The following BRIP1 variants were observed in gnomAD, a reference collection of about 807,000 sequenced individuals.
BRIP1 encodes Fanconi anemia group J protein.
Under a neutral mutation model 119.7 loss-of-function variants are expected in BRIP1, and 88 were observed. The ratio of observed to expected loss-of-function variants is 0.74; its 90% confidence interval spans 0.62 to 0.88. BRIP1 has a LOEUF of 0.88. Among genes scored for constraint, BRIP1 ranks in the 40% least tolerant of loss-of-function variants. BRIP1 has a pLI of 0.00. For synonymous variants in BRIP1, 443 were observed against 496.5 expected (o/e 0.89, Z 1.43); for missense variants, 1,259 against 1,455.4 (o/e 0.87, Z 2.20).
intron 6 of BRIP1, among the ~76,000 whole-genome samples, chr17:61,819,877 A>C (rs959606024): frequency 6.6e-6 from 1 of 152,196 alleles, no homozygotes; most frequent in Admixed American, 6.5e-5. Flanking sequence ...AATAACTAAG[A>C]GTATAATTGG....
At chr17:61,781,192 T>C (rs899689252) in intron 11 of BRIP1, among the ~76,000 whole-genome samples, 187 bp from the exon 12 acceptor site, 2 of 152,240 alleles carry the variant, frequency 1.3e-5, no homozygotes, top group Non-Finnish European at 2.9e-5. Context: ...CCATTAATCA[T>C]AGAATCAACT....
chr17:61,781,121 C>T (rs372197176), intron 11 of BRIP1, 116 bp from the exon 12 acceptor site: 1 of 906,858 alleles, frequency 1.1e-6, no homozygotes, highest in South Asian at 1.5e-5. Context: ...GGTACCTTCC[C>T]ATTCAAAAAT....
chr17:61,742,995 A>G lies in BRIP1; in HGVS notation c.2379+18T>C, dbSNP rs2077005167. ...AATGACTCCTGTAATAATAAAACTT[A>G]AGGTTTTGATGGCCTACCTGTAGAT... On this transcript the variant is annotated intron_variant, in intron 16 of 19. Coordinates refer to ENST00000259008, the MANE Select transcript of BRIP1 (RefSeq NM_032043.3). The surrounding 1 kb of genome is among the most constrained non-coding windows in gnomAD (Gnocchi z 4.7). 2 of 1,613,102 alleles carry G rather than the reference A, an allele frequency of 1.2e-6. No individual in the cohort carries two copies. Among genetic ancestry groups the G allele is most frequent in the Admixed American group, 3.3e-5 (2 of 59,988 alleles).
intron 4 of BRIP1, among the ~76,000 whole-genome samples, chr17:61,855,014 A>G (rs2078875792): frequency 6.6e-6 from 1 of 151,614 alleles, no homozygotes; most frequent in Non-Finnish European, 1.5e-5. Flanking sequence ...GCCAGACAAA[A>G]TAAGTATACA....
intron 6 of BRIP1, among the ~76,000 whole-genome samples, chr17:61,818,344 C>T (rs1222855976): frequency 6.6e-6 from 1 of 152,184 alleles, no homozygotes; most frequent in Non-Finnish European, 1.5e-5. Flanking sequence ...TGCTGAAAGG[C>T]TGAACCTAAT....
At position 61,739,174 on chromosome 17, in the gene BRIP1, T is replaced by G. The variant is rs1042719689; in HGVS notation, c.2379+3839A>C. 1.3e-4 allele frequency: 23 copies of G among 182,970 alleles called. No individual in the cohort carries two copies. Among genetic ancestry groups the G allele is most frequent in the Non-Finnish European group, 2.4e-4 (21 of 85,886 alleles). 11.3% of individuals were successfully genotyped at this position (182,970 alleles called of 1,614,324 possible). On this transcript the variant is annotated intron_variant, in intron 16 of 19. Transcript: ENST00000259008. The surrounding 1 kb of genome is among the most constrained non-coding windows in gnomAD (Gnocchi z 6.0). ...CAGCCTTAGTGCAATAATGTAGAGC[T>G]AGAGTAAAATGATAAGACATTAAAA...
At position 61,856,550 on chromosome 17, in the gene BRIP1, T is replaced by C. The variant is rs188396602; in HGVS notation, c.379+508A>G. On this transcript the variant is annotated intron_variant, in intron 4 of 19. Coordinates refer to ENST00000259008, the MANE Select transcript of BRIP1 (RefSeq NM_032043.3). This position sits in a 1 kb window ranked among gnomAD's most constrained non-coding sequence, Gnocchi z 5.1. ...ACAGCCAAAAGCAGGTGAAATATTTTTTAAATATATTATTAATAATCTTAT... is the reference window on the plus strand; with the variant it reads ...ACAGCCAAAAGCAGGTGAAATATTTCTTAAATATATTATTAATAATCTTAT... Among the ~76,000 whole-genome samples, 305 of 152,264 alleles carry C rather than the reference T, an allele frequency of 2.0e-3. 3 individuals carry two copies. The highest frequency in any genetic ancestry group is 0.01 in the Middle Eastern group (3 of 294).
At position 61,704,915 on chromosome 17, in the gene BRIP1, G is replaced by T. The variant is rs1313431582; in HGVS notation, c.2492+11036C>A. ...TCAATTTTATTGATCTTTTCAAAGA[G>T]TCTATTTTTTTCTGTTTTTCAACTT... On this transcript the variant is annotated intron_variant, in intron 17 of 19. Coordinates refer to ENST00000259008, the MANE Select transcript of BRIP1 (RefSeq NM_032043.3). The surrounding 1 kb of genome is among the most constrained non-coding windows in gnomAD (Gnocchi z 5.7). Among the ~76,000 whole-genome samples the T allele has an allele frequency of 6.6e-6, 1 of 151,878 alleles. No homozygotes were observed. Among genetic ancestry groups the T allele is most frequent in the Admixed American group, 6.6e-5 (1 of 15,238 alleles).
chr17:61,707,604 C>T (rs1229701517), intron 17 of BRIP1, among the ~76,000 whole-genome samples: 1 of 152,024 alleles, frequency 6.6e-6, no homozygotes, highest in African/African-American at 2.4e-5. Flanking sequence ...GGAAAATTTC[C>T]ATTTTATCTT....
rs2077391499 is a variant in BRIP1, at chr17:61,767,619, G to A, written c.2097+8782C>T. Among the ~76,000 whole-genome samples, 1 of 151,838 alleles carries A rather than the reference G, an allele frequency of 6.6e-6. No individual in the cohort carries two copies. Among genetic ancestry groups the A allele is most frequent in the African/African-American group, 2.4e-5 (1 of 41,330 alleles). On this transcript the variant is annotated intron_variant, in intron 14 of 19. Transcript: ENST00000259008. This position sits in a 1 kb window ranked among gnomAD's most constrained non-coding sequence, Gnocchi z 5.7. ...TTTCTTTTTGATTTTTAGTAGAGATGAGGTTTCACCATGTTGCCCAACCTG... is the reference window on the plus strand; with the variant it reads ...TTTCTTTTTGATTTTTAGTAGAGATAAGGTTTCACCATGTTGCCCAACCTG...
chr17:61,787,873 T>C (rs969189775), intron 10 of BRIP1, among the ~76,000 whole-genome samples: 2 of 152,168 alleles, frequency 1.3e-5, no homozygotes, highest in Non-Finnish European at 2.9e-5. Context: ...CTCAATCTCC[T>C]GACCTCGTGA....
Position 61,743,596 on chromosome 17 carries a change from C to T in BRIP1, c.2258-462G>A, listed in dbSNP as rs1165071632. 6.6e-6 allele frequency among the ~76,000 whole-genome samples: 1 copy of T among 152,082 alleles called. No individual in the cohort carries two copies. The highest frequency in any genetic ancestry group is 2.4e-5 in the African/African-American group (1 of 41,400). On this transcript the variant is annotated intron_variant, in intron 15 of 19. Transcript: ENST00000259008. This position sits in a 1 kb window ranked among gnomAD's most constrained non-coding sequence, Gnocchi z 4.3. ...CACAGAGAACACCATAATATATACA[C>T]CATAAAAAGATACTGATATGTTATA...
At position 61,846,931 on chromosome 17, in the gene BRIP1, T is replaced by C. The variant is rs184268746; in HGVS notation, c.627+170A>G. On this transcript the variant is annotated intron_variant, in intron 6 of 19. Coordinates refer to ENST00000259008, the MANE Select transcript of BRIP1 (RefSeq NM_032043.3). This position sits in a 1 kb window ranked among gnomAD's most constrained non-coding sequence, Gnocchi z 4.3. ...ATAAGGAAACGAGGCATAGAGAGAA[T>C]AGGCTTTGCCATCTCACACATTAGT... 1.3e-5 allele frequency among the ~76,000 whole-genome samples: 2 copies of C among 152,332 alleles called. No individual in the cohort carries two copies. Among genetic ancestry groups the C allele is most frequent in the Admixed American group, 6.5e-5 (1 of 15,306 alleles).
At chr17:61,763,733 C>T (rs183290644) in intron 14 of BRIP1, among the ~76,000 whole-genome samples, 179 of 152,132 alleles carry the variant, frequency 1.2e-3, no homozygotes, top group African/African-American at 2.5e-3. Flanking sequence ...TGGGAGAGTT[C>T]GCTTCTATAA....
At chr17:61,849,036 C>A (rs762200528) in intron 5 of BRIP1, 93 bp downstream of exon 5, 3 of 1,379,610 alleles carry the variant, frequency 2.2e-6, no homozygotes, top group South Asian at 1.2e-5. Context: ...CATGACCCAA[C>A]TAATCTCCAC....
At chr17:61,771,498 C>T (rs562508101) in intron 14 of BRIP1, among the ~76,000 whole-genome samples, 2 of 152,086 alleles carry the variant, frequency 1.3e-5, no homozygotes, top group African/African-American at 4.8e-5. Flanking sequence ...CAAATCAAAA[C>T]CACAAGGAGA....
Position 61,753,444 on chromosome 17 carries a change from T to G in BRIP1, c.2098-8853A>C, listed in dbSNP as rs918450393. 2.6e-5 allele frequency among the ~76,000 whole-genome samples: 4 copies of G among 152,132 alleles called. No homozygotes were observed. Among genetic ancestry groups the G allele is most frequent in the African/African-American group, 9.7e-5 (4 of 41,416 alleles). On this transcript the variant is annotated intron_variant, in intron 14 of 19. Transcript: ENST00000259008. The surrounding 1 kb of genome is among the most constrained non-coding windows in gnomAD (Gnocchi z 4.6). ...GAAATGTTGATATGGCAGTTGGGTA[T>G]ATGGGCATAGTACTTAAGGAAGAAG...
Position 61,778,853 on chromosome 17 carries a change from T to C in BRIP1, c.1935+1408A>G, listed in dbSNP as rs962660736. 1.4e-4 allele frequency among the ~76,000 whole-genome samples: 22 copies of C among 152,310 alleles called. No individual in the cohort carries two copies. The highest frequency in any genetic ancestry group is 4.8e-4 in the African/African-American group (20 of 41,580). ...GTTCCCAACTACCAAATGCCGTAGTTGCTCCCAAGTAATTGTGAGGACCAA... is the reference window on the plus strand; with the variant it reads ...GTTCCCAACTACCAAATGCCGTAGTCGCTCCCAAGTAATTGTGAGGACCAA... On this transcript the variant is annotated intron_variant, in intron 13 of 19. Transcript: ENST00000259008. This position sits in a 1 kb window ranked among gnomAD's most constrained non-coding sequence, Gnocchi z 4.4.
rs2077045178 is a variant in BRIP1, at chr17:61,745,359, A to G, written c.2098-768T>C. On this transcript the variant is annotated intron_variant, in intron 14 of 19. Coordinates refer to ENST00000259008, the MANE Select transcript of BRIP1 (RefSeq NM_032043.3). This position sits in a 1 kb window ranked among gnomAD's most constrained non-coding sequence, Gnocchi z 4.4. The stretch of plus-strand genomic sequence containing the variant: ...GTAGATTAAAAGTCAAGCCCAAAAC[A>G]AAAACTCATCTTGATTGATTGATTG... Among the ~76,000 whole-genome samples, 1 of 152,176 alleles carries G rather than the reference A, an allele frequency of 6.6e-6. No homozygotes were observed. Among genetic ancestry groups the G allele is most frequent in the Non-Finnish European group, 1.5e-5 (1 of 68,024 alleles).
Sources: allele counts gnomAD v4.1 joint callset (sites outside exome capture counted in the v4.1 genomes callset), GRCh38; gene constraint gnomAD v4.1.1; non-coding constraint Gnocchi (gnomAD v3.1); transcripts MANE v1.5; gene names NCBI Gene and HGNC (gene_info 2026-07-23, HGNC 2026-07-21).